The following CLVS1 variants were observed in gnomAD, a reference collection of about 807,000 sequenced individuals.
CLVS1 encodes clavesin 1.
A neutral mutation model predicts 33.1 loss-of-function variants in CLVS1; 10 were observed. That is an observed-to-expected ratio of 0.30 (90% CI 0.19 to 0.51). The LOEUF (loss-of-function observed/expected upper bound fraction) is 0.51, where lower values mean the gene tolerates loss of function less well. CLVS1 is among the 20% of genes least tolerant of loss of function. The pLI, the probability that CLVS1 is intolerant of heterozygous loss-of-function variation, is 0.97. For synonymous variants in CLVS1, 163 were observed against 166.1 expected, an observed-to-expected ratio of 0.98 and a Z score of 0.14; for missense variants, 343 against 433.4, an observed-to-expected ratio of 0.79 and a Z score of 1.85.
At chr8:61,074,372 A>G (rs59788607) in intron 1 of CLVS1, among the ~76,000 whole-genome samples, 769 of 51,778 alleles carry the variant, frequency 0.015, 57 homozygotes, top group African/African-American at 0.13. Flanking sequence ...ATATATATAT[A>G]TATAAGTATA....
At chr8:61,422,054 A>G (rs1815696107) in intron 3 of CLVS1, among the ~76,000 whole-genome samples, 1 of 151,392 alleles carries the variant, frequency 6.6e-6, no homozygotes, top group African/African-American at 2.4e-5. Context: ...GAACTGGATG[A>G]TTCTACCTCA....
chr8:61,479,255 T>C (rs907487717), intron 5 of CLVS1, among the ~76,000 whole-genome samples: 12 of 152,236 alleles, frequency 7.9e-5, no homozygotes, highest in African/African-American at 2.9e-4. Context: ...CATAGTCCCA[T>C]ACTTCTTGGA....
At chr8:61,218,505 T>G (rs1174399556) in intron 2 of CLVS1, among the ~76,000 whole-genome samples, 1 of 151,552 alleles carries the variant, frequency 6.6e-6, no homozygotes, top group South Asian at 2.1e-4. Context: ...CTGGGAAGGA[T>G]AGGAGGAAAG....
chr8:61,178,884 G>A (rs1198581010), intron 2 of CLVS1, among the ~76,000 whole-genome samples: 1 of 152,114 alleles, frequency 6.6e-6, no homozygotes, highest in Non-Finnish European at 1.5e-5. Context: ...ATCCACCACT[G>A]CAAAAACACA....
chr8:61,349,246 T>C (rs924249175), intron 2 of CLVS1, among the ~76,000 whole-genome samples: 12 of 152,140 alleles, frequency 7.9e-5, no homozygotes, highest in African/African-American at 2.7e-4. Flanking sequence ...CTTTTTCCCT[T>C]TTCTTGCTTG....
At chr8:61,424,033 T>C (rs1384614161) in intron 3 of CLVS1, among the ~76,000 whole-genome samples, 5 of 152,214 alleles carry the variant, frequency 3.3e-5, no homozygotes, top group African/African-American at 1.2e-4. Flanking sequence ...CTCTCTTCCC[T>C]TGCACACGCA....
intron 2 of CLVS1, among the ~76,000 whole-genome samples, chr8:61,173,026 T>C (rs1807037733): frequency 6.6e-6 from 1 of 152,202 alleles, no homozygotes; most frequent in Admixed American, 6.5e-5. Flanking sequence ...GTAAGAATAG[T>C]GAACAGGTTT....
At position 61,292,762 on chromosome 8, in the gene CLVS1, AG is replaced by A. The variant is rs574277050; in HGVS notation, c.-152+4626del. ...TTTGTTTAAGATACATTGAGGTGTA[AG>A]GTAAATGCTACTTCAATTAAAGACT... On this transcript the variant is annotated intron_variant, in intron 1 of 5. Transcript: ENST00000325897. Among the ~76,000 whole-genome samples, 18 of 152,316 alleles carry A rather than the reference AG, an allele frequency of 1.2e-4. No homozygotes were observed. The South Asian group carries it at 3.5e-3, about 30-fold the overall frequency.
intron 2 of CLVS1, among the ~76,000 whole-genome samples, chr8:61,187,426 C>T (rs1026822591): frequency 4.6e-5 from 7 of 152,096 alleles, no homozygotes; most frequent in African/African-American, 1.4e-4. Context: ...GACCTTCCCC[C>T]ATTAAAAAGC....
chr8:61,318,867 T>C (rs1191779878), intron 2 of CLVS1, among the ~76,000 whole-genome samples: 2 of 152,124 alleles, frequency 1.3e-5, no homozygotes, highest in Non-Finnish European at 2.9e-5. Flanking sequence ...TGCTTTGGCC[T>C]CCTAAAGAGC....
At chr8:61,040,931 C>T in the CLVS1 span, among the ~76,000 whole-genome samples, 1 of 152,010 alleles carries the variant, frequency 6.6e-6, no homozygotes, top group African/African-American at 2.4e-5. Context: ...ATGGTATTTC[C>T]TAGTTTTTTT....
chr8:61,132,693 C>T, intron 2 of CLVS1, among the ~76,000 whole-genome samples: 1 of 152,186 alleles, frequency 6.6e-6, no homozygotes, highest in East Asian at 1.9e-4. Context: ...GAGGCTTCCG[C>T]ATGAAGCTTC....
chr8:61,399,288 G>A (rs907451348), intron 3 of CLVS1, among the ~76,000 whole-genome samples: 1 of 152,294 alleles, frequency 6.6e-6, no homozygotes, highest in African/African-American at 2.4e-5. Flanking sequence ...CTAATGATCA[G>A]TGATGTTAAG....
chr8:61,203,086 A>G (rs1273318182), intron 2 of CLVS1: 3 of 1,296,986 alleles, frequency 2.3e-6, no homozygotes, highest in Non-Finnish European at 2.2e-6. Flanking sequence ...AAGACATTAA[A>G]GCAAAAATGC....
At chr8:61,122,405 A>G (rs941002817) in intron 1 of CLVS1, among the ~76,000 whole-genome samples, 3 of 152,112 alleles carry the variant, frequency 2.0e-5, no homozygotes, top group Admixed American at 6.6e-5. Flanking sequence ...ATTTCCAGGT[A>G]CTCGGGCCAG....
chr8:61,393,487 A>T (rs567983472), intron 3 of CLVS1, among the ~76,000 whole-genome samples: 30 of 152,262 alleles, frequency 2.0e-4, no homozygotes, highest in Admixed American at 2.0e-3. Context: ...CTTGTTGTGT[A>T]ATATTACCAG....
intron 2 of CLVS1, among the ~76,000 whole-genome samples, chr8:61,281,381 A>AT (rs1025094815): frequency 9.2e-5 from 14 of 152,194 alleles, no homozygotes; most frequent in Non-Finnish European, 1.9e-4. Context: ...AAATGAGGTC[A>AT]TAAGGGTGGG....
intron 2 of CLVS1, among the ~76,000 whole-genome samples, chr8:61,330,055 C>T (rs1303219600): frequency 2.6e-5 from 4 of 152,156 alleles, no homozygotes; most frequent in African/African-American, 9.6e-5. Flanking sequence ...TGGTACCACT[C>T]TACCTTTCTA....
intron 2 of CLVS1, among the ~76,000 whole-genome samples, chr8:61,328,110 G>A (rs1396973302): frequency 6.6e-6 from 1 of 152,078 alleles, no homozygotes; most frequent in Non-Finnish European, 1.5e-5. Context: ...CCAATTCTTG[G>A]GTAGGGGAAT....
Sources: gnomAD v4.1 joint callset for allele counts (sites outside exome capture counted in the v4.1 genomes callset) on GRCh38, gnomAD v4.1.1 for gene constraint, MANE v1.5 for transcripts, NCBI Gene and HGNC (gene_info 2026-07-23, HGNC 2026-07-21) for gene names.